SLC9C2: variants seen among roughly 807,000 people sequenced by gnomAD.
The protein encoded by SLC9C2 is sodium/hydrogen exchanger 11.
Under a neutral mutation model 140.2 loss-of-function variants are expected in SLC9C2, and 75 were observed. That is an observed-to-expected ratio of 0.53 (90% CI 0.44 to 0.65). The LOEUF (loss-of-function observed/expected upper bound fraction) is 0.65, where lower values mean the gene tolerates loss of function less well. Ranked by LOEUF, SLC9C2 falls within the 30% of genes least tolerant of loss-of-function variation. The pLI is 0.00. For missense variants in SLC9C2, 1,074 were observed against 1,331.8 expected (o/e 0.81, Z 3.01); for synonymous variants, 375 against 420.9 (o/e 0.89, Z 1.34).
Position 173,524,052 on chromosome 1 carries a change from C to T in SLC9C2, c.2557G>A (p.Ala853Thr). The change falls in exon 21 of 28, where the codon GCA (alanine) becomes ACA (threonine). Residue 853 changes from alanine to threonine, a missense_variant. Coordinates refer to ENST00000367714, the MANE Select transcript of SLC9C2 (RefSeq NM_178527.4). ...KLKALNNFPK[A>T]IPPPTPDIYL... ...ATGTCAGGAGTTGGGGGTGGGATTG[C>T]CTTTGGAAAGTTATTTAGTGCTTTT... The T allele has an allele frequency of 6.2e-7, 1 of 1,613,034 alleles. No individual in the cohort carries two copies. The highest frequency in any genetic ancestry group is 8.5e-7 in the Non-Finnish European group (1 of 1,179,578).
At chr1:173,569,223 C>A (rs985250840) in intron 9 of SLC9C2, among the ~76,000 whole-genome samples, 3 of 151,914 alleles carry the variant, frequency 2.0e-5, no homozygotes, top group African/African-American at 7.3e-5. Context: ...AATAGCCTGT[C>A]TTCAGGCTCA....
At chr1:173,545,301 C>G (rs1662764580) in intron 13 of SLC9C2, among the ~76,000 whole-genome samples, 1 of 152,162 alleles carries the variant, frequency 6.6e-6, no homozygotes, top group African/African-American at 2.4e-5. Context: ...GGGACGGAGA[C>G]AGTTCTAAGT....
At chr1:173,519,203 G>A (rs1267299366) in intron 22 of SLC9C2, among the ~76,000 whole-genome samples, 1 of 152,112 alleles carries the variant, frequency 6.6e-6, no homozygotes, top group African/African-American at 2.4e-5. Context: ...ATATGCCTTT[G>A]CTTGCTCTGA....
At position 173,600,131 on chromosome 1, in the gene SLC9C2, A is replaced by T. The variant is rs771165873; in HGVS notation, c.214T>A (p.Tyr72Asn). The change falls in exon 3 of 28, where the codon TAC becomes AAC. Residue 72 changes from tyrosine to asparagine, a missense_variant. Tyr to Asn is a moderately radical substitution (Grantham distance 143, BLOSUM62 -2). Transcript: ENST00000367714. ...ACATACAGTACCTCAACAGAATTGT[A>T]GGCCATGTGTCCTATCACGAATCCT... ...LSGFVIGHMA[Y>N]NSVEVHQIVY... 3 of 1,603,610 alleles carry T rather than the reference A, an allele frequency of 1.9e-6. No individual in the cohort carries two copies. The highest frequency in any genetic ancestry group is 1.7e-4 in the Middle Eastern group (1 of 6,044).
intron 22 of SLC9C2, among the ~76,000 whole-genome samples, chr1:173,518,609 G>A (rs143321442): frequency 5.2e-4 from 79 of 152,274 alleles, no homozygotes; most frequent in African/African-American, 1.8e-3. Flanking sequence ...TTAGGGGGAA[G>A]CTGAAAGAAT....
intron 23 of SLC9C2, among the ~76,000 whole-genome samples, chr1:173,513,451 A>G (rs1163442894): frequency 6.6e-6 from 1 of 152,132 alleles, no homozygotes; most frequent in Non-Finnish European, 1.5e-5. Flanking sequence ...TTATTTACAT[A>G]GAGGTGTTTA....
chr1:173,596,935 A>C (rs2102271418), intron 4 of SLC9C2, among the ~76,000 whole-genome samples: 1 of 152,202 alleles, frequency 6.6e-6, no homozygotes, highest in Non-Finnish European at 1.5e-5. Flanking sequence ...TGTATAAAGT[A>C]AAAACTGACA....
intron 21 of SLC9C2, among the ~76,000 whole-genome samples, chr1:173,522,700 G>A (rs999676275): frequency 1.3e-5 from 2 of 152,052 alleles, no homozygotes; most frequent in African/African-American, 4.8e-5. Context: ...AAGTGCCCAG[G>A]GCACCTGAGA....
chr1:173,580,462 G>A (rs757504899), intron 7 of SLC9C2, among the ~76,000 whole-genome samples: 1 of 151,626 alleles, frequency 6.6e-6, no homozygotes, highest in Non-Finnish European at 1.5e-5. Flanking sequence ...AGGGATTCTT[G>A]TGACTTAGCC....
chr1:173,593,890 A>G (rs996361318), intron 4 of SLC9C2, among the ~76,000 whole-genome samples: 2 of 152,200 alleles, frequency 1.3e-5, no homozygotes, highest in African/African-American at 2.4e-5. Context: ...GTTCTTAGAG[A>G]CCTACATTTA....
At chr1:173,545,673 T>C (rs1438375749) in intron 13 of SLC9C2, among the ~76,000 whole-genome samples, 2 of 152,156 alleles carry the variant, frequency 1.3e-5, no homozygotes, top group Middle Eastern at 3.2e-3. Context: ...TGGTAGTAAA[T>C]AGGATGTAGC....
intron 11 of SLC9C2, among the ~76,000 whole-genome samples, chr1:173,553,306 TATA>T (rs1421520372): frequency 6.6e-6 from 1 of 152,230 alleles, no homozygotes; most frequent in African/African-American, 2.4e-5. Flanking sequence ...TAGAATATTT[TATA>T]AACTTAGTTG....
intron 13 of SLC9C2, among the ~76,000 whole-genome samples, chr1:173,545,089 C>T (rs1210814842): frequency 4.6e-5 from 7 of 152,094 alleles, no homozygotes; most frequent in East Asian, 3.8e-4. Context: ...TGGCTGAAGG[C>T]CCTTTGTTAA....
At chr1:173,518,120 G>A (rs907433069) in intron 22 of SLC9C2, among the ~76,000 whole-genome samples, 3 of 152,082 alleles carry the variant, frequency 2.0e-5, no homozygotes, top group Admixed American at 6.6e-5. Context: ...AAAATTAGTC[G>A]AGCATGGTGA....
intron 9 of SLC9C2, among the ~76,000 whole-genome samples, chr1:173,561,430 G>A (rs1342258607): frequency 6.6e-6 from 1 of 152,186 alleles, no homozygotes; most frequent in African/African-American, 2.4e-5. Context: ...TTGCATAGCT[G>A]TACAACCAAG....
At chr1:173,563,852 C>G (rs191647974) in intron 9 of SLC9C2, among the ~76,000 whole-genome samples, 2 of 152,292 alleles carry the variant, frequency 1.3e-5, no homozygotes, top group African/African-American at 4.8e-5. Flanking sequence ...CCTTATCCCC[C>G]TACTACCCTT....
chr1:173,587,573 G>A (rs771919162), intron 5 of SLC9C2, 92 bp downstream of exon 5: 12 of 1,188,218 alleles, frequency 1.0e-5, no homozygotes, highest in Non-Finnish European at 1.3e-5. Context: ...TTATTCTTCT[G>A]GGTGCACAAT....
At chr1:173,574,644 G>A (rs1665048498) in intron 8 of SLC9C2, among the ~76,000 whole-genome samples, 3 of 151,166 alleles carry the variant, frequency 2.0e-5, no homozygotes, top group African/African-American at 7.3e-5. Context: ...CTGAGTAGCT[G>A]GGACTACAGG....
At chr1:173,584,036 C>A (rs1665709222) in intron 5 of SLC9C2, among the ~76,000 whole-genome samples, 2 of 152,116 alleles carry the variant, frequency 1.3e-5, no homozygotes, top group Admixed American at 6.5e-5. Context: ...TATGTCCACA[C>A]AAAGATTTGT....
Sources: gnomAD v4.1 joint callset for allele counts (sites outside exome capture counted in the v4.1 genomes callset) on GRCh38, gnomAD v4.1.1 for gene constraint, MANE v1.5 for transcripts, NCBI Gene and HGNC (gene_info 2026-07-23, HGNC 2026-07-21) for gene names.